The following DARS2 variants were observed in gnomAD, a reference collection of about 807,000 sequenced individuals.
The protein encoded by DARS2 is aspartate--tRNA ligase, mitochondrial.
Under a neutral mutation model 83.0 loss-of-function variants are expected in DARS2, and 63 were observed. The ratio of observed to expected loss-of-function variants is 0.76; its 90% CI spans 0.62 to 0.94. The LOEUF (loss-of-function observed/expected upper bound fraction) is 0.94, where lower values mean the gene tolerates loss of function less well. Ranked by LOEUF, DARS2 falls within the 40% of genes least tolerant of loss-of-function variation. The pLI, the probability that DARS2 is intolerant of heterozygous loss-of-function variation, is 0.00. For missense variants in DARS2, 675 were observed against 774.4 expected, an observed-to-expected ratio of 0.87 and a Z score of 1.52; for synonymous variants, 250 against 269.3, an observed-to-expected ratio of 0.93 and a Z score of 0.70.
At chr1:173,848,745 T>C (rs1043543007) in intron 12 of DARS2, among the ~76,000 whole-genome samples, 1 of 152,200 alleles carries the variant, frequency 6.6e-6, no homozygotes, top group Non-Finnish European at 1.5e-5. Context: ...CAGAGTTTGT[T>C]TGCCTTTTGA....
chr1:173,835,775 C>T (rs1377075048), intron 7 of DARS2, among the ~76,000 whole-genome samples: 1 of 151,712 alleles, frequency 6.6e-6, no homozygotes, highest in Non-Finnish European at 1.5e-5. Context: ...AAAATTAGGC[C>T]AGGCACGGTG....
chr1:173,835,695 G>GTGA (rs1031421208), intron 7 of DARS2, among the ~76,000 whole-genome samples: 2 of 151,958 alleles, frequency 1.3e-5, no homozygotes, highest in Admixed American at 6.6e-5. Flanking sequence ...ATCACCTGAG[G>GTGA]TCAGGAGTTA....
chr1:173,836,509 C>T (rs1475999536), intron 7 of DARS2, among the ~76,000 whole-genome samples: 2 of 151,046 alleles, frequency 1.3e-5, no homozygotes, highest in African/African-American at 2.4e-5. Context: ...TGCCATCGCA[C>T]TCCAGCCTGG....
At chr1:173,833,619 A>G in intron 6 of DARS2, 120 bp downstream of exon 6, 10 of 1,181,784 alleles carry the variant, frequency 8.5e-6, no homozygotes, top group South Asian at 1.3e-5. Flanking sequence ...TCTGGAATTC[A>G]CTCAATGTGT....
chr1:173,841,261 C>G (rs529273572), intron 11 of DARS2, among the ~76,000 whole-genome samples: 22 of 151,808 alleles, frequency 1.4e-4, no homozygotes, highest in African/African-American at 5.3e-4. Context: ...CCTGTAATCC[C>G]AACTACTTGG....
intron 1 of DARS2, among the ~76,000 whole-genome samples, 158 bp from the exon 2 acceptor site, chr1:173,826,529 A>G (rs998009227): frequency 1.7e-4 from 26 of 152,344 alleles, no homozygotes; most frequent in African/African-American, 5.3e-4. Context: ...TAGTGAATGA[A>G]TTAAATTACA....
At chr1:173,853,312 A>AGG in intron 13 of DARS2, 37 bp from the exon 14 acceptor site, 1 of 1,600,534 alleles carries the variant, frequency 6.2e-7, no homozygotes, top group South Asian at 1.1e-5. Flanking sequence ...CTGCTCTGTC[A>AGG]AGAAGTTAAC....
rs1653906088 is a variant in DARS2 at position 173,857,716 on chromosome 1, C to T, written c.*11C>T. 1.2e-6 allele frequency: 2 copies of T among 1,614,044 alleles called. No individual in the cohort carries two copies. Among genetic ancestry groups the T allele is most frequent in the Non-Finnish European group, 1.7e-6 (2 of 1,179,928 alleles). ...GAAAGAGCTCATTGAATCATGCATACCATGCAGAAAGTTGAGCTTTTAGGT... is the reference window on the plus strand; with the variant it reads ...GAAAGAGCTCATTGAATCATGCATATCATGCAGAAAGTTGAGCTTTTAGGT... On this transcript the variant is annotated 3_prime_UTR_variant, in exon 17 of 17. Coordinates refer to ENST00000649689, the MANE Select transcript of DARS2 (RefSeq NM_018122.5).
At chr1:173,842,540 T>A (rs545173888) in intron 11 of DARS2, among the ~76,000 whole-genome samples, 2 of 150,100 alleles carry the variant, frequency 1.3e-5, no homozygotes, top group South Asian at 4.2e-4. Context: ...TGACCTCAGG[T>A]GATCCACCCG....
intron 13 of DARS2, among the ~76,000 whole-genome samples, chr1:173,852,589 C>A (rs887273737): frequency 5.3e-5 from 8 of 151,900 alleles, no homozygotes; most frequent in African/African-American, 1.9e-4. Flanking sequence ...GCAACCTCTG[C>A]CTCCTCCCGG....
At chr1:173,842,319 G>GAGTGAA (rs369718837) in intron 11 of DARS2, among the ~76,000 whole-genome samples, 536 of 26,082 alleles carry the variant, frequency 0.021, 14 homozygotes, top group African/African-American at 0.059. Context: ...TTTTTTTTTA[G>GAGTGAA]AGTGAGTCTT....
chr1:173,845,487 A>G (rs1208615494), intron 12 of DARS2, among the ~76,000 whole-genome samples, 196 bp downstream of exon 12: 2 of 152,188 alleles, frequency 1.3e-5, no homozygotes, highest in Non-Finnish European at 2.9e-5. Flanking sequence ...GCTAGAGTGC[A>G]GTGTTGCCAT....
At chr1:173,837,697 T>G (rs1653054401) in intron 8 of DARS2, among the ~76,000 whole-genome samples, 1 of 152,224 alleles carries the variant, frequency 6.6e-6, no homozygotes, top group African/African-American at 2.4e-5. Context: ...TTGAAAACAA[T>G]ATATAGAATA....
chr1:173,831,420 C>T, intron 4 of DARS2, 115 bp from the exon 5 acceptor site: 2 of 839,598 alleles, frequency 2.4e-6, no homozygotes. Flanking sequence ...ATACTATACA[C>T]TATAAGGACT....
intron 13 of DARS2, among the ~76,000 whole-genome samples, chr1:173,851,481 C>T (rs1406846934): frequency 6.6e-6 from 1 of 151,956 alleles, no homozygotes; most frequent in Non-Finnish European, 1.5e-5. Flanking sequence ...CGGATCAGAC[C>T]ACTGGCGAGC....
Position 173,828,058 on chromosome 1 carries a change from A to G in DARS2, c.228-275A>G, listed in dbSNP as rs141950680. On this transcript the variant is annotated intron_variant, in intron 2 of 16. Coordinates refer to ENST00000649689, the MANE Select transcript of DARS2 (RefSeq NM_018122.5). The stretch of plus-strand genomic sequence containing the variant: ...AATTTTTCATTAATAAGCCATCTGT[A>G]TAAGATTAATATACCAGGTAAGTAG... Among the ~76,000 whole-genome samples the G allele has an allele frequency of 1.4e-4, 22 of 152,302 alleles. 1 individual carries two copies. The highest frequency in any genetic ancestry group is 5.1e-4 in the African/African-American group (21 of 41,578).
intron 7 of DARS2, among the ~76,000 whole-genome samples, chr1:173,834,784 T>TG (rs1652941080): frequency 1.3e-5 from 1 of 78,864 alleles, no homozygotes; most frequent in Non-Finnish European, 3.0e-5. Flanking sequence ...TTTTTTTTGT[T>TG]TTTTTTTTTT....
At chr1:173,855,450 T>C (rs542162330) in intron 15 of DARS2, among the ~76,000 whole-genome samples, 1 of 151,856 alleles carries the variant, frequency 6.6e-6, no homozygotes, top group South Asian at 2.1e-4. Flanking sequence ...CAATCACCCA[T>C]TGGGTTTTGT....
At chr1:173,825,474 ATTATTATTATTT>A in intron 1 of DARS2, 118 bp downstream of exon 1, 1 of 668,980 alleles carries the variant, frequency 1.5e-6, no homozygotes, top group Non-Finnish European at 2.0e-6. Flanking sequence ...TATTATTATT[ATTATTATTATTT>A]GAGACGGAGT....
Sources: gnomAD v4.1 joint callset for allele counts (sites outside exome capture counted in the v4.1 genomes callset) on GRCh38, gnomAD v4.1.1 for gene constraint, MANE v1.5 for transcripts, NCBI Gene and HGNC (gene_info 2026-07-23, HGNC 2026-07-21) for gene names.